The following ALKBH3 variants were observed in gnomAD, a reference collection of about 807,000 sequenced individuals.
ALKBH3 encodes the protein alpha-ketoglutarate-dependent dioxygenase alkB homolog 3.
A neutral mutation model predicts 43.9 loss-of-function variants in ALKBH3; 51 were observed. That is an observed-to-expected ratio of 1.16 (90% CI 0.93 to 1.47). ALKBH3 has a LOEUF of 1.47. Among genes scored for constraint, ALKBH3 ranks in the 40% most tolerant of loss-of-function variants. The probability of loss-of-function intolerance (pLI) is 0.00; values close to 1 mark genes in which losing one functional copy is unlikely to be tolerated. For missense variants in ALKBH3, 361 were observed against 351.9 expected (o/e 1.03, Z -0.21); for synonymous variants, 102 against 115.2 (o/e 0.89, Z 0.73).
At position 43,909,147 on chromosome 11, in the gene ALKBH3, G is replaced by C. The variant is rs554961595; in HGVS notation, c.669+7422G>C. 3 of 152,302 alleles carry C rather than the reference G, an allele frequency of 2.0e-5. No individual in the cohort carries two copies. The South Asian group carries it at 6.2e-4, about 32-fold the overall frequency. 9.4% of individuals were successfully genotyped at this position (152,302 alleles called of 1,614,324 possible). On this transcript the variant is annotated intron_variant, in intron 8 of 9. Transcript: ENST00000302708. Reference sequence around the variant, plus strand: ...ATAACCTCAGTGACTTAAAATCTGTGTTTTTCTAGCTGGCTTCTTACTTTA... The same window carrying C: ...ATAACCTCAGTGACTTAAAATCTGTCTTTTTCTAGCTGGCTTCTTACTTTA...
intron 8 of ALKBH3, among the ~76,000 whole-genome samples, chr11:43,903,975 C>A (rs1951879752): frequency 6.6e-6 from 1 of 152,192 alleles, no homozygotes; most frequent in African/African-American, 2.4e-5. Context: ...TGGTAGTACA[C>A]ATCAGTTATG....
chr11:43,883,798 A>G (rs555721872), intron 3 of ALKBH3, among the ~76,000 whole-genome samples, 185 bp from the exon 4 acceptor site: 2 of 152,324 alleles, frequency 1.3e-5, no homozygotes, highest in African/African-American at 2.4e-5. Flanking sequence ...TTTACTGTCT[A>G]CTAGCAAATG....
chr11:43,899,173 C>T lies in ALKBH3; in HGVS notation c.460-2343C>T, dbSNP rs576234520. The T allele has an allele frequency of 9.8e-4, 769 of 782,508 alleles. 7 individuals are homozygous for T. The highest frequency in any genetic ancestry group is 9.7e-3 in the South Asian group (730 of 75,028). 48.5% of individuals were successfully genotyped at this position (782,508 alleles called of 1,614,324 possible). A position where few individuals can be genotyped will look rare whatever the true frequency, so the allele number is the denominator to read the frequency against. ...AAAAAGGACTCCCTAGGGGCCCCAC[C>T]TCTCCAGGTGGGAACAATGTGCAGC... On this transcript the variant is annotated intron_variant, in intron 7 of 9. Transcript: ENST00000302708.
At chr11:43,885,154 G>A (rs190843517) in intron 4 of ALKBH3, among the ~76,000 whole-genome samples, 72 of 152,128 alleles carry the variant, frequency 4.7e-4, no homozygotes, top group Middle Eastern at 6.8e-3. Context: ...TGTGACATTC[G>A]GCCCCCCAGA....
At chr11:43,915,853 T>G (rs1951979798) in intron 8 of ALKBH3, among the ~76,000 whole-genome samples, 1 of 152,240 alleles carries the variant, frequency 6.6e-6, no homozygotes, top group Non-Finnish European at 1.5e-5. Flanking sequence ...CTGTGTACTC[T>G]TCCTCAGTCA....
intron 7 of ALKBH3, chr11:43,898,980 C>T: frequency 1.3e-6 from 1 of 753,276 alleles, no homozygotes; most frequent in Non-Finnish European, 2.5e-6. Context: ...AGACCTCAAG[C>T]TCTGGACTGA....
chr11:43,894,616 A>G (rs1298749147), intron 7 of ALKBH3, among the ~76,000 whole-genome samples: 1 of 152,238 alleles, frequency 6.6e-6, no homozygotes, highest in Non-Finnish European at 1.5e-5. Context: ...TCCCTGAGCA[A>G]GTCAGGGAAG....
Position 43,919,114 on chromosome 11 carries a change from G to A in ALKBH3, c.746G>A (p.Gly249Glu), listed in dbSNP as rs371456608. The change falls in exon 9 of 10, where the codon GGA (glycine) becomes GAA (glutamate). Residue 249 changes from glycine to glutamate, a missense_variant. Coordinates refer to ENST00000302708, the MANE Select transcript of ALKBH3 (RefSeq NM_139178.4). Reference sequence around the variant, plus strand: ...CATGGGACCTTGTTAATCATGGAAGGAGCGACACAAGCTGACTGGCAGGTG... The same window carrying A: ...CATGGGACCTTGTTAATCATGGAAGAAGCGACACAAGCTGACTGGCAGGTG... ...LDHGTLLIME[G>E]ATQADWQHRV... 2 of 1,613,236 alleles carry A rather than the reference G, an allele frequency of 1.2e-6. No homozygotes were observed. The highest frequency in any genetic ancestry group is 1.6e-4 in the Middle Eastern group (1 of 6,078).
Position 43,884,121 on chromosome 11 carries a change from G to C in ALKBH3, c.218+104G>C. On this transcript the variant is annotated intron_variant, in intron 4 of 9. Coordinates refer to ENST00000302708, the MANE Select transcript of ALKBH3 (RefSeq NM_139178.4). ...TATCTGGAAGAGAATGGCCCAATAAGTGTCTTAACTGTAGTCTGGGATATT... is the reference window on the plus strand; with the variant it reads ...TATCTGGAAGAGAATGGCCCAATAACTGTCTTAACTGTAGTCTGGGATATT... The C allele has an allele frequency of 3.0e-6, 4 of 1,349,962 alleles. No individual in the cohort carries two copies. In the South Asian group the frequency reaches 4.8e-5, roughly 16 times the overall value. The allele number at this position is 1,349,962 out of a possible 1,614,324, so 83.6% of individuals were successfully genotyped here. A position where few individuals can be genotyped will look rare whatever the true frequency, so the allele number is the denominator to read the frequency against.
intron 5 of ALKBH3, among the ~76,000 whole-genome samples, chr11:43,887,695 A>G (rs1029338241): frequency 9.9e-5 from 15 of 152,170 alleles, no homozygotes; most frequent in Admixed American, 9.8e-4. Context: ...TGAGTGCTAC[A>G]TTATATTATT....
intron 6 of ALKBH3, among the ~76,000 whole-genome samples, chr11:43,890,313 C>T (rs952944240): frequency 2.0e-5 from 3 of 152,180 alleles, no homozygotes; most frequent in African/African-American, 7.2e-5. Context: ...CTCTCCTGAG[C>T]TTGTAAAAGT....
At chr11:43,896,823 T>A (rs1951822361) in intron 7 of ALKBH3, among the ~76,000 whole-genome samples, 1 of 152,254 alleles carries the variant, frequency 6.6e-6, no homozygotes, top group African/African-American at 2.4e-5. Flanking sequence ...TCTGTGTAAC[T>A]TAGTGAACTA....
In ALKBH3 at chr11:43,919,139, G is replaced by A. The variant is rs768576637; in HGVS notation, c.768+3G>A. 6.2e-7 allele frequency: 1 copy of A among 1,607,270 alleles called. No homozygotes were observed. The highest frequency in any genetic ancestry group is 1.1e-5 in the South Asian group (1 of 90,888). Reference sequence around the variant, plus strand: ...GAGCGACACAAGCTGACTGGCAGGTGAGGATCTGCAAGTAATATGAATCTG... The same window carrying A: ...GAGCGACACAAGCTGACTGGCAGGTAAGGATCTGCAAGTAATATGAATCTG... On this transcript the variant is annotated splice_donor_region_variant and intron_variant, in intron 9 of 9. Coordinates refer to ENST00000302708, the MANE Select transcript of ALKBH3 (RefSeq NM_139178.4).
At chr11:43,914,709 A>C (rs1364078678) in intron 8 of ALKBH3, among the ~76,000 whole-genome samples, 1 of 152,236 alleles carries the variant, frequency 6.6e-6, no homozygotes. Context: ...ATTCCATGTT[A>C]AATACCATAA....
intron 8 of ALKBH3, among the ~76,000 whole-genome samples, chr11:43,916,169 G>A (rs114442474): frequency 0.025 from 3,862 of 152,282 alleles, 91 homozygotes; most frequent in African/African-American, 0.063. Context: ...AAAGAAAAAT[G>A]TTTAGGTTTC....
Position 43,883,130 on chromosome 11 carries a change from G to A in ALKBH3, c.125G>A (p.Trp42Ter). 6.2e-7 allele frequency: 1 copy of A among 1,614,058 alleles called. No individual in the cohort carries two copies. Among genetic ancestry groups the A allele is most frequent in the Non-Finnish European group, 8.5e-7 (1 of 1,180,014 alleles). ...CTCCACCAGAAGCCTGGCCAGACCT[G>A]GAAGAACAAAGAGCATCATCTCTCT... is the stretch of plus-strand genomic sequence containing the variant. ...SHLHQKPGQTWKNKEHHLSDR... is the reference protein window; with the variant it reads ...SHLHQKPGQT Residue 42 changes from tryptophan (W) to a stop codon, truncating the protein, a stop_gained, in exon 3 of 10, where the codon TGG becomes TAG. Coordinates refer to ENST00000302708, the MANE Select transcript of ALKBH3 (RefSeq NM_139178.4). LOFTEE classifies it high-confidence loss of function.
chr11:43,910,545 T>G (rs1017189144), intron 8 of ALKBH3: 1 of 152,228 alleles, frequency 6.6e-6, no homozygotes, highest in African/African-American at 2.4e-5. Flanking sequence ...CGTATTGTTC[T>G]TTCAGAAAAA....
Position 43,919,084 on chromosome 11 carries a change from T to TG in ALKBH3, c.718dup (p.Asp240GlyfsTer15), listed in dbSNP as rs776919242. ...TATGTGGAAAGAGTGAAGATACCCT[T>TG]GGATCATGGGACCTTGTTAATCATG... On this transcript the variant is annotated frameshift_variant, in exon 9 of 10. Transcript: ENST00000302708. LOFTEE classifies it high-confidence loss of function. The TG allele has an allele frequency of 6.2e-7, 1 of 1,613,466 alleles. No individual in the cohort carries two copies. The highest frequency in any genetic ancestry group is 8.5e-7 in the Non-Finnish European group (1 of 1,179,414).
At chr11:43,892,593 TTGCTTTGGCTTGTTTCTGCTGC>T (rs1353902099) in intron 7 of ALKBH3, among the ~76,000 whole-genome samples, 1 of 152,242 alleles carries the variant, frequency 6.6e-6, no homozygotes, top group Non-Finnish European at 1.5e-5. Context: ...CCGTCTGATT[TTGCTTTGGCTTGTTTCTGCTGC>T]TGCTTTTGCT....
Sources: gnomAD v4.1 joint callset for allele counts (sites outside exome capture counted in the v4.1 genomes callset) on GRCh38, gnomAD v4.1.1 for gene constraint, MANE v1.5 for transcripts, NCBI Gene and HGNC (gene_info 2026-07-23, HGNC 2026-07-21) for gene names.